STPG2: variants seen among roughly 807,000 people sequenced by gnomAD.
STPG2 encodes sperm-tail PG-rich repeat-containing protein 2.
A neutral mutation model predicts 54.2 loss-of-function variants in STPG2; 56 were observed. The observed-to-expected ratio is 1.03, with a 90% CI of 0.83 to 1.29. The LOEUF (loss-of-function observed/expected upper bound fraction) is 1.29, where lower values mean the gene tolerates loss of function less well. STPG2 is among the 50% of genes most tolerant of loss of function. STPG2 has a pLI of 0.00. For synonymous variants in STPG2, 200 were observed against 181.8 expected, an observed-to-expected ratio of 1.10 and a Z score of -0.81; for missense variants, 596 against 544.9, an observed-to-expected ratio of 1.09 and a Z score of -0.93.
intron 9 of STPG2, among the ~76,000 whole-genome samples, chr4:97,719,126 C>T (rs1308163039): frequency 6.6e-6 from 1 of 151,860 alleles, no homozygotes; most frequent in Non-Finnish European, 1.5e-5. Flanking sequence ...GATAAGACTA[C>T]CACTGGTTAA....
At chr4:97,566,063 C>T (rs1432730383) in intron 10 of STPG2, among the ~76,000 whole-genome samples, 2 of 152,188 alleles carry the variant, frequency 1.3e-5, no homozygotes, top group Non-Finnish European at 2.9e-5. Flanking sequence ...GACAGGCAGG[C>T]CTCCTTGAGC....
At chr4:97,728,544 C>G (rs958386389) in intron 9 of STPG2, among the ~76,000 whole-genome samples, 1 of 151,862 alleles carries the variant, frequency 6.6e-6, no homozygotes. Context: ...TCTTGTATGA[C>G]CAGAGTAATT....
intron 4 of STPG2, among the ~76,000 whole-genome samples, chr4:97,478,421 G>A (rs1730130815): frequency 6.6e-6 from 1 of 151,976 alleles, no homozygotes; most frequent in Non-Finnish European, 1.5e-5. Flanking sequence ...TAGATTAAAA[G>A]GACAGCAACT....
intron 8 of STPG2, among the ~76,000 whole-genome samples, chr4:97,925,682 T>C (rs1732308167): frequency 6.6e-6 from 1 of 152,130 alleles, no homozygotes; most frequent in South Asian, 2.1e-4. Context: ...AGTAACAAAA[T>C]ACAGTTTTTA....
chr4:97,690,207 T>A (rs1377645872), intron 10 of STPG2, among the ~76,000 whole-genome samples: 1 of 152,114 alleles, frequency 6.6e-6, no homozygotes, highest in African/African-American at 2.4e-5. Flanking sequence ...AGTAATTGAT[T>A]TTTTTTACAT....
At chr4:97,678,458 G>A (rs1013705362) in intron 10 of STPG2, among the ~76,000 whole-genome samples, 6 of 151,898 alleles carry the variant, frequency 4.0e-5, no homozygotes, top group African/African-American at 1.2e-4. Flanking sequence ...TTTTAAAAAG[G>A]TACCTACTGA....
At chr4:97,634,042 CACAG>C (rs1448485710) in intron 10 of STPG2, among the ~76,000 whole-genome samples, 7 of 152,190 alleles carry the variant, frequency 4.6e-5, no homozygotes, top group African/African-American at 1.7e-4. Context: ...GGGGGCAGGG[CACAG>C]ACAAACAAAA....
At chr4:97,992,251 G>A (rs1735045517) in intron 5 of STPG2, among the ~76,000 whole-genome samples, 1 of 152,076 alleles carries the variant, frequency 6.6e-6, no homozygotes, top group African/African-American at 2.4e-5. Context: ...TTAAGTCTTT[G>A]ATGAATCTTG....
chr4:98,040,822 A>G (rs1736930800), intron 5 of STPG2, among the ~76,000 whole-genome samples: 1 of 151,736 alleles, frequency 6.6e-6, no homozygotes, highest in African/African-American at 2.4e-5. Context: ...TTGTTTCCAT[A>G]TGAGTTTTTA....
At chr4:97,505,901 C>T (rs772982564) in intron 4 of STPG2, among the ~76,000 whole-genome samples, 1 of 150,256 alleles carries the variant, frequency 6.7e-6, no homozygotes, top group Non-Finnish European at 1.5e-5. Context: ...AATGGCTATC[C>T]TATGTATTTT....
intron 8 of STPG2, among the ~76,000 whole-genome samples, chr4:97,935,539 A>T (rs1233937085): frequency 1.3e-5 from 2 of 152,092 alleles, no homozygotes; most frequent in Admixed American, 1.3e-4. Context: ...TTTCCCTCTT[A>T]ACACTGCTTT....
intron 10 of STPG2, among the ~76,000 whole-genome samples, chr4:97,670,073 TA>T (rs943796257): frequency 3.3e-5 from 5 of 152,002 alleles, no homozygotes; most frequent in South Asian, 2.1e-4. Flanking sequence ...AAGTATAATT[TA>T]AAAAAAACCC....
downstream of STPG2, among the ~76,000 whole-genome samples, chr4:97,556,286 G>T (rs1732076629): frequency 6.6e-6 from 1 of 152,110 alleles, no homozygotes; most frequent in Non-Finnish European, 1.5e-5. Context: ...CATCAGTAAT[G>T]CATGGAATTA....
intron 5 of STPG2, among the ~76,000 whole-genome samples, chr4:98,000,733 TAATC>T (rs1470502207): frequency 3.3e-5 from 5 of 152,298 alleles, no homozygotes; most frequent in African/African-American, 1.2e-4. Context: ...AACTTTGTAT[TAATC>T]AATAATACCA....
intron 8 of STPG2, among the ~76,000 whole-genome samples, chr4:97,919,525 AAAG>A (rs1202349577): frequency 6.6e-6 from 1 of 151,990 alleles, no homozygotes; most frequent in African/African-American, 2.4e-5. Context: ...AACACAAAAA[AAAG>A]AAGAGAATGT....
intron 10 of STPG2, among the ~76,000 whole-genome samples, chr4:97,620,209 A>G (rs561994744): frequency 6.6e-6 from 1 of 152,304 alleles, no homozygotes; most frequent in Admixed American, 6.5e-5. Context: ...AACATTATCA[A>G]TGCTTAGGAT....
At chr4:98,084,229 C>A (rs1241890582) in intron 5 of STPG2, among the ~76,000 whole-genome samples, 1 of 152,046 alleles carries the variant, frequency 6.6e-6, no homozygotes, top group Non-Finnish European at 1.5e-5. Context: ...TTCTTTTGCT[C>A]AAGAGTATAT....
intron 10 of STPG2, among the ~76,000 whole-genome samples, chr4:97,625,169 T>G (rs1389322041): frequency 1.3e-5 from 2 of 152,218 alleles, no homozygotes; most frequent in Admixed American, 6.5e-5. Flanking sequence ...CCAAACAGAC[T>G]AATGTAATAG....
intron 9 of STPG2, among the ~76,000 whole-genome samples, chr4:97,730,106 AG>A (rs1239077984): frequency 3.3e-5 from 5 of 152,186 alleles, no homozygotes; most frequent in Non-Finnish European, 7.3e-5. Context: ...TAACTCAGGC[AG>A]AGTGCATAGT....
Sources: gnomAD v4.1 joint callset for allele counts (sites outside exome capture counted in the v4.1 genomes callset) on GRCh38, gnomAD v4.1.1 for gene constraint, MANE v1.5 for transcripts, NCBI Gene and HGNC (gene_info 2026-07-23, HGNC 2026-07-21) for gene names.